ANXA8: variants seen among roughly 807,000 people sequenced by gnomAD.
ANXA8 encodes annexin A8.
A neutral mutation model predicts 26.8 loss-of-function variants in ANXA8; 9 were observed. The ratio of observed to expected loss-of-function variants is 0.34; its 90% CI spans 0.20 to 0.59. The LOEUF is 0.59. Among genes scored for constraint, ANXA8 ranks in the 20% least tolerant of loss-of-function variants. The pLI is 0.84. For missense variants in ANXA8, 83 were observed against 238.5 expected, an observed-to-expected ratio of 0.35 and a Z score of 4.29; for synonymous variants, 39 against 94.8, an observed-to-expected ratio of 0.41 and a Z score of 3.42.
the ANXA8 span, chr10:47,581,144 A>T: frequency 3.1e-6 from 1 of 322,036 alleles, no homozygotes; most frequent in South Asian, 2.7e-5. Flanking sequence ...AGTCTACCAT[A>T]GCACAAATGT....
the ANXA8 span, among the ~76,000 whole-genome samples, chr10:47,974,719 G>A: frequency 6.8e-6 from 1 of 147,586 alleles, no homozygotes; most frequent in African/African-American, 2.4e-5. Flanking sequence ...AGATCTTCTT[G>A]ATATTAGTTT....
the ANXA8 span, among the ~76,000 whole-genome samples, chr10:47,974,534 C>T: frequency 2.0e-5 from 3 of 147,726 alleles, no homozygotes; most frequent in African/African-American, 4.9e-5. Context: ...AGGCATTTAA[C>T]GTTATAAACT....
the ANXA8 span, among the ~76,000 whole-genome samples, chr10:47,916,498 C>A: frequency 8.1e-6 from 1 of 123,794 alleles, no homozygotes; most frequent in East Asian, 2.3e-4. Flanking sequence ...AGAGCTTGGA[C>A]TTTGGATTGA....
the ANXA8 span, among the ~76,000 whole-genome samples, chr10:47,720,438 T>C: frequency 0.029 from 4,279 of 146,780 alleles, 465 homozygotes; most frequent in African/African-American, 0.1. Flanking sequence ...CTCTGAGTTG[T>C]TGTGGAAGCT....
the ANXA8 span, among the ~76,000 whole-genome samples, chr10:47,898,811 ATTTTTTTTTTTTTTTTT>A: frequency 3.6e-5 from 2 of 56,242 alleles, no homozygotes; most frequent in East Asian, 1.6e-3. Context: ...AAGAGAATGG[ATTTTTTTTTTTTTTTTT>A]TTTTTTTTTT....
At chr10:47,763,379 A>G in the ANXA8 span, 1 of 985,690 alleles carries the variant, frequency 1.0e-6, no homozygotes, top group African/African-American at 1.7e-5. Flanking sequence ...TAACGTTCGT[A>G]TGCTGGGTTC....
the ANXA8 span, among the ~76,000 whole-genome samples, chr10:47,537,395 C>T: frequency 6.6e-6 from 1 of 151,270 alleles, no homozygotes; most frequent in East Asian, 2.0e-4. Context: ...TCTAAAATGA[C>T]TTTTGGTTAT....
At chr10:47,693,121 G>A in the ANXA8 span, among the ~76,000 whole-genome samples, 1 of 151,654 alleles carries the variant, frequency 6.6e-6, no homozygotes, top group Non-Finnish European at 1.5e-5. Context: ...TAGAGCAGGA[G>A]GAAGTTGATT....
the ANXA8 span, among the ~76,000 whole-genome samples, chr10:47,970,806 G>C: frequency 2.0e-5 from 3 of 151,352 alleles, no homozygotes; most frequent in Non-Finnish European, 3.0e-5. Flanking sequence ...GGACAAAACA[G>C]CCCTGGGAAG....
the ANXA8 span, among the ~76,000 whole-genome samples, chr10:47,543,830 G>A: frequency 4.3e-5 from 6 of 139,782 alleles, no homozygotes; most frequent in African/African-American, 1.6e-4. Context: ...AGGAAAAGGG[G>A]CAGGCACACA....
chr10:47,665,988 T>A, the ANXA8 span, among the ~76,000 whole-genome samples: 1 of 151,840 alleles, frequency 6.6e-6, no homozygotes, highest in African/African-American at 2.4e-5. Flanking sequence ...TCTTAATTGC[T>A]AACTTGCCTA....
At chr10:47,618,666 C>T in the ANXA8 span, among the ~76,000 whole-genome samples, 7 of 113,554 alleles carry the variant, frequency 6.2e-5, 2 homozygotes, top group Admixed American at 1.8e-4. Context: ...TTGGTCCATA[C>T]TTATTTATCT....
At chr10:47,733,297 T>TTCTTTCTTTCTTTC in the ANXA8 span, among the ~76,000 whole-genome samples, 20 of 71,476 alleles carry the variant, frequency 2.8e-4, no homozygotes, top group East Asian at 1.9e-3. Flanking sequence ...CTTTCTTTCT[T>TTCTTTCTTTCTTTC]TTTTTTCTTT....
chr10:47,559,919 G>A, the ANXA8 span, among the ~76,000 whole-genome samples: 1 of 151,758 alleles, frequency 6.6e-6, no homozygotes, highest in Admixed American at 6.6e-5. Context: ...CCTGTGGTGT[G>A]AGAGGTAATT....
At chr10:47,767,725 G>A in the ANXA8 span, among the ~76,000 whole-genome samples, 2 of 151,748 alleles carry the variant, frequency 1.3e-5, no homozygotes, top group African/African-American at 2.4e-5. Flanking sequence ...CCCGTGAGAG[G>A]CTAATCAGGA....
the ANXA8 span, among the ~76,000 whole-genome samples, chr10:47,953,387 T>G: frequency 6.6e-6 from 1 of 150,534 alleles, no homozygotes; most frequent in African/African-American, 2.5e-5. Context: ...CCTCACACCA[T>G]GAGGATGCCT....
the ANXA8 span, among the ~76,000 whole-genome samples, chr10:47,627,752 T>C: frequency 1.3e-5 from 2 of 150,070 alleles, no homozygotes; most frequent in East Asian, 1.9e-4. Context: ...CTTTTGAAAA[T>C]ATAAAGCAGC....
At chr10:47,485,664 C>CT (rs1281185766), upstream of ANXA8, among the ~76,000 whole-genome samples, 8 of 151,924 alleles carry the variant, frequency 5.3e-5, no homozygotes, top group East Asian at 5.8e-4. Context: ...AATTACTTCT[C>CT]TTTTTTTTAA....
the ANXA8 span, among the ~76,000 whole-genome samples, chr10:47,628,347 C>T: frequency 6.6e-6 from 1 of 152,004 alleles, no homozygotes; most frequent in Non-Finnish European, 1.5e-5. Context: ...ATACATTATA[C>T]ATGTTATACA....
Sources: allele counts gnomAD v4.1 joint callset (sites outside exome capture counted in the v4.1 genomes callset), GRCh38; gene constraint gnomAD v4.1.1; transcripts MANE v1.5; gene names NCBI Gene and HGNC (gene_info 2026-07-23, HGNC 2026-07-21).